The following AK7 variants were observed in gnomAD, a reference collection of about 807,000 sequenced individuals.
AK7 encodes ATP-AMP transphosphorylase 7.
Under a neutral mutation model 96.6 loss-of-function variants are expected in AK7, and 78 were observed. That is an observed-to-expected ratio of 0.81 (90% CI 0.67 to 0.97). The LOEUF (loss-of-function observed/expected upper bound fraction) is 0.97, where lower values mean the gene tolerates loss of function less well. AK7 is among the 50% of genes least tolerant of loss of function. The probability of loss-of-function intolerance (pLI) is 0.00; values close to 1 mark genes in which losing one functional copy is unlikely to be tolerated. For missense variants in AK7, 855 were observed against 887.9 expected (o/e 0.96, Z 0.47); for synonymous variants, 302 against 317.2 (o/e 0.95, Z 0.51).
intron 6 of AK7, among the ~76,000 whole-genome samples, chr14:96,440,636 T>C (rs575064046): frequency 6.6e-6 from 1 of 152,184 alleles, no homozygotes; most frequent in Admixed American, 6.5e-5. Flanking sequence ...TCTCAGAAAA[T>C]GGGGTAACCC....
At chr14:96,465,466 A>G (rs570146823) in intron 12 of AK7, among the ~76,000 whole-genome samples, 1 of 152,112 alleles carries the variant, frequency 6.6e-6, no homozygotes, top group East Asian at 1.9e-4. Context: ...TCCGTTTAAA[A>G]AAAAAAAAGG....
intron 12 of AK7, among the ~76,000 whole-genome samples, chr14:96,470,612 C>G (rs1330403708): frequency 6.6e-6 from 1 of 152,064 alleles, no homozygotes; most frequent in Non-Finnish European, 1.5e-5. Flanking sequence ...TCCAGTGGGG[C>G]TGAGGTCAGA....
At chr14:96,439,239 G>GATCT (rs1159395212) in intron 6 of AK7, among the ~76,000 whole-genome samples, 3 of 152,026 alleles carry the variant, frequency 2.0e-5, no homozygotes, top group Non-Finnish European at 2.9e-5. Context: ...ATATGGAGAA[G>GATCT]AGATAGGGGC....
chr14:96,427,337 T>C (rs936596763), intron 5 of AK7, among the ~76,000 whole-genome samples: 1 of 152,152 alleles, frequency 6.6e-6, no homozygotes, highest in Admixed American at 6.6e-5. Flanking sequence ...TCAGGAAACT[T>C]ACAACCATGG....
chr14:96,457,501 A>C (rs1432782607), intron 11 of AK7, among the ~76,000 whole-genome samples: 1 of 152,148 alleles, frequency 6.6e-6, no homozygotes, highest in Non-Finnish European at 1.5e-5. Context: ...TGTTGCCCCC[A>C]GTTATGAAAA....
chr14:96,412,028 G>A (rs536889405), intron 4 of AK7, among the ~76,000 whole-genome samples: 39 of 152,142 alleles, frequency 2.6e-4, no homozygotes, highest in African/African-American at 8.4e-4. Flanking sequence ...AGTCTTTTTC[G>A]TTTTGTTTTT....
chr14:96,488,505 A>C lies in AK7; in HGVS notation c.*162A>C. Reference sequence around the variant, plus strand: ...TCTCTATTAAAAGCTATATGACATGACTATGTCATTAAAACTATATTTGAA... The same window carrying C: ...TCTCTATTAAAAGCTATATGACATGCCTATGTCATTAAAACTATATTTGAA... On this transcript the variant is annotated 3_prime_UTR_variant, in exon 18 of 18. Coordinates refer to ENST00000267584, the MANE Select transcript of AK7 (RefSeq NM_152327.5). The C allele has an allele frequency of 1.8e-6, 1 of 553,312 alleles. No homozygotes were observed. Among genetic ancestry groups the C allele is most frequent in the Non-Finnish European group, 3.2e-6 (1 of 314,086 alleles). 34.3% of individuals were successfully genotyped at this position (553,312 alleles called of 1,614,324 possible).
chr14:96,484,435 G>A (rs920810025), intron 16 of AK7, among the ~76,000 whole-genome samples: 6 of 152,222 alleles, frequency 3.9e-5, no homozygotes, highest in South Asian at 4.1e-4. Flanking sequence ...GACCCACTAT[G>A]GCCATTCTCT....
chr14:96,395,666 C>G (rs139045313), intron 1 of AK7, among the ~76,000 whole-genome samples: 1 of 132,220 alleles, frequency 7.6e-6, no homozygotes, highest in Non-Finnish European at 1.5e-5. Context: ...GATCGCATCA[C>G]TGCATTCCAG....
chr14:96,473,979 C>A (rs949841065), intron 14 of AK7, among the ~76,000 whole-genome samples: 3 of 152,166 alleles, frequency 2.0e-5, no homozygotes, highest in African/African-American at 7.2e-5. Flanking sequence ...AGCAATTTAT[C>A]GTACACAACA....
chr14:96,487,850 C>A, intron 17 of AK7: 1 of 218,354 alleles, frequency 4.6e-6, no homozygotes, highest in Non-Finnish European at 9.1e-6. Flanking sequence ...ATTGGTCAAA[C>A]CCATGTAAGA....
At chr14:96,475,257 G>C (rs1041707282) in intron 14 of AK7, among the ~76,000 whole-genome samples, 2 of 152,220 alleles carry the variant, frequency 1.3e-5, no homozygotes, top group African/African-American at 2.4e-5. Context: ...TTTTAATTGA[G>C]GGAGGGAACT....
At chr14:96,436,029 G>A (rs1566783209) in intron 5 of AK7, among the ~76,000 whole-genome samples, 1 of 152,090 alleles carries the variant, frequency 6.6e-6, no homozygotes, top group Non-Finnish European at 1.5e-5. Context: ...TTTTTTCTGT[G>A]TAGGTAGTTA....
chr14:96,434,266 G>A (rs1233793441), intron 5 of AK7, among the ~76,000 whole-genome samples: 2 of 152,188 alleles, frequency 1.3e-5, no homozygotes, highest in African/African-American at 2.4e-5. Flanking sequence ...GCTTTAGGGG[G>A]CACCCCAAGC....
At chr14:96,406,761 T>C (rs569206753) in intron 3 of AK7, among the ~76,000 whole-genome samples, 23 of 152,158 alleles carry the variant, frequency 1.5e-4, no homozygotes, top group Non-Finnish European at 2.9e-4. Flanking sequence ...CATAGCTTAC[T>C]ACAGCCTCAA....
chr14:96,401,137 T>G (rs752727019), intron 2 of AK7, among the ~76,000 whole-genome samples: 5 of 152,136 alleles, frequency 3.3e-5, no homozygotes, highest in Non-Finnish European at 7.4e-5. Flanking sequence ...CTGAATTTGA[T>G]TCTGCGAATG....
At chr14:96,446,382 G>C (rs73351103) in intron 7 of AK7, 135 bp from the exon 8 acceptor site, 23,281 of 689,936 alleles carry the variant, frequency 0.034, 808 homozygotes, top group African/African-American at 0.13. Flanking sequence ...AACCCTGACC[G>C]TATTGAAAAT....
At chr14:96,415,734 T>A (rs1281175930) in intron 4 of AK7, among the ~76,000 whole-genome samples, 2 of 149,948 alleles carry the variant, frequency 1.3e-5, no homozygotes, top group Non-Finnish European at 3.0e-5. Context: ...TAAATTTTAA[T>A]ACATTAATTA....
intron 1 of AK7, among the ~76,000 whole-genome samples, chr14:96,396,908 A>G (rs970276067): frequency 2.0e-5 from 3 of 152,226 alleles, no homozygotes; most frequent in Admixed American, 6.5e-5. Context: ...CAACAACAGC[A>G]ATACCCCATT....
Sources: allele counts gnomAD v4.1 joint callset (sites outside exome capture counted in the v4.1 genomes callset), GRCh38; gene constraint gnomAD v4.1.1; transcripts MANE v1.5; gene names NCBI Gene and HGNC (gene_info 2026-07-23, HGNC 2026-07-21).